The following DLGAP1 variants were observed in gnomAD, a reference collection of about 807,000 sequenced individuals.
DLGAP1 encodes the protein DLG associated protein 1.
Under a neutral mutation model 90.8 loss-of-function variants are expected in DLGAP1, and 11 were observed. The ratio of observed to expected loss-of-function variants is 0.12; its 90% CI spans 0.08 to 0.20. The LOEUF is 0.20. Ranked by LOEUF, DLGAP1 falls within the 10% of genes least tolerant of loss-of-function variation. DLGAP1 has a pLI of 1.00. For missense variants in DLGAP1, 1,050 were observed against 1,333.8 expected, an observed-to-expected ratio of 0.79 and a Z score of 3.31; for synonymous variants, 558 against 540.7, an observed-to-expected ratio of 1.03 and a Z score of -0.44.
intron 2 of DLGAP1, among the ~76,000 whole-genome samples, chr18:4,034,201 C>T (rs1568362524): frequency 6.6e-6 from 1 of 151,916 alleles, no homozygotes. Context: ...ACCACCACGC[C>T]TGGCTAATTT....
intron 5 of DLGAP1, among the ~76,000 whole-genome samples, chr18:3,777,899 T>C (rs9957481): frequency 0.17 from 25,755 of 151,998 alleles, 3,576 homozygotes; most frequent in African/African-American, 0.38. Context: ...CCTGGGTAGG[T>C]GGTCCTTTTC....
At chr18:3,997,799 TAAGTCAATATTA>T (rs1421782795) in intron 3 of DLGAP1, among the ~76,000 whole-genome samples, 3 of 152,146 alleles carry the variant, frequency 2.0e-5, no homozygotes, top group Non-Finnish European at 4.4e-5. Flanking sequence ...TTTTAAAATT[TAAGTCAATATTA>T]AAGTCAATAT....
intron 1 of DLGAP1, among the ~76,000 whole-genome samples, chr18:4,386,232 C>T (rs547154849): frequency 1.1e-4 from 17 of 152,048 alleles, no homozygotes; most frequent in Non-Finnish European, 1.9e-4. Flanking sequence ...GTCAGAATGC[C>T]GACCAGATCG....
At chr18:3,677,688 T>G (rs1305109788) in intron 7 of DLGAP1, among the ~76,000 whole-genome samples, 1 of 152,240 alleles carries the variant, frequency 6.6e-6, no homozygotes, top group African/African-American at 2.4e-5. Context: ...AAACGGAGTC[T>G]CACTCTGTCG....
intron 1 of DLGAP1, among the ~76,000 whole-genome samples, chr18:4,412,504 A>G (rs150317859): frequency 6.6e-6 from 1 of 152,354 alleles, no homozygotes; most frequent in Non-Finnish European, 1.5e-5. Context: ...AAGGGTGTTT[A>G]CACTGAAGGA....
intron 1 of DLGAP1, among the ~76,000 whole-genome samples, chr18:4,362,295 C>G (rs963286553): frequency 3.9e-5 from 6 of 152,224 alleles, no homozygotes; most frequent in African/African-American, 1.4e-4. Flanking sequence ...GTGTTCACAG[C>G]AGAATTATTC....
At chr18:4,239,376 T>C (rs576451421) in intron 1 of DLGAP1, among the ~76,000 whole-genome samples, 1 of 152,130 alleles carries the variant, frequency 6.6e-6, no homozygotes, top group East Asian at 1.9e-4. Flanking sequence ...ACAAAGGAAC[T>C]GAAGAAAGAA....
rs2147995427 is a variant in DLGAP1 at position 3,769,821 on chromosome 18, A to G, written c.1173-27309T>C. Reference sequence around the variant, plus strand: ...TATCCTCTTTGTGATATTGTTCTACAGTTTTTTGAAATGTTACCACGGTGG... The same window carrying G: ...TATCCTCTTTGTGATATTGTTCTACGGTTTTTTGAAATGTTACCACGGTGG... On this transcript the variant is annotated intron_variant, in intron 5 of 12. Transcript: ENST00000315677. Among the ~76,000 whole-genome samples, 2 of 151,004 alleles carry G rather than the reference A, an allele frequency of 1.3e-5. 1 individual carries two copies. The highest frequency in any genetic ancestry group is 6.8e-3 in the Middle Eastern group (2 of 292).
intron 1 of DLGAP1, among the ~76,000 whole-genome samples, chr18:4,309,050 A>C (rs1241132740): frequency 1.3e-5 from 2 of 152,228 alleles, no homozygotes; most frequent in Admixed American, 6.5e-5. Flanking sequence ...CGCCTATAGA[A>C]ATATTCCATA....
At chr18:4,077,673 A>G (rs1482204969) in intron 2 of DLGAP1, among the ~76,000 whole-genome samples, 3 of 152,246 alleles carry the variant, frequency 2.0e-5, no homozygotes, top group African/African-American at 7.2e-5. Flanking sequence ...TGTGGCCATC[A>G]CCAGATGCAG....
chr18:3,623,921 TG>T lies in DLGAP1; in HGVS notation c.1592-41674del, dbSNP rs1391200362. 3.9e-5 allele frequency among the ~76,000 whole-genome samples: 6 copies of T among 152,276 alleles called. No individual in the cohort carries two copies. In the East Asian group the frequency reaches 1.2e-3, roughly 29 times the overall value. On this transcript the variant is annotated intron_variant, in intron 7 of 12. Coordinates refer to ENST00000315677, the MANE Select transcript of DLGAP1 (RefSeq NM_004746.4). ...GCGGATGCCCGTTTCCCCTCCTGCC[TG>T]CATTCATCTGACCGGTTCAGTGGGA...
chr18:4,313,953 T>C lies in DLGAP1; in HGVS notation c.-267+141053A>G, dbSNP rs541296710. On this transcript the variant is annotated intron_variant, in intron 1 of 12. Coordinates refer to ENST00000315677, the MANE Select transcript of DLGAP1 (RefSeq NM_004746.4). Reference sequence around the variant, plus strand: ...TGTCTGCAGGTCATATGGAGAACTATCCTTCTTTGCCATGGGGACAAGGAT... The same window carrying C: ...TGTCTGCAGGTCATATGGAGAACTACCCTTCTTTGCCATGGGGACAAGGAT... 3.3e-5 allele frequency among the ~76,000 whole-genome samples: 5 copies of C among 152,288 alleles called. 1 individual carries two copies. The South Asian group carries it at 6.2e-4, about 19-fold the overall frequency.
At chr18:3,738,692 TA>T (rs2062764959) in intron 6 of DLGAP1, among the ~76,000 whole-genome samples, 1 of 150,726 alleles carries the variant, frequency 6.6e-6, no homozygotes, top group South Asian at 2.1e-4. Flanking sequence ...ACCTAGGCAA[TA>T]CCATTCAGGA....
Position 3,729,108 on chromosome 18 carries a change from A to G in DLGAP1, c.1591+27T>C. 1.3e-6 allele frequency: 2 copies of G among 1,582,066 alleles called. No individual in the cohort carries two copies. Among genetic ancestry groups the G allele is most frequent in the South Asian group, 1.1e-5 (1 of 88,116 alleles). ...TCGTGCCATAGCCAGCACAGGGGCC[A>G]GGCTGGCTGAGGGCCCGCGCACTCA... On this transcript the variant is annotated intron_variant, in intron 7 of 12. Transcript: ENST00000315677. The surrounding 1 kb of genome is among the most constrained non-coding windows in gnomAD (Gnocchi z 6.2).
At chr18:4,110,476 C>G (rs932175915) in intron 2 of DLGAP1, among the ~76,000 whole-genome samples, 17 of 152,100 alleles carry the variant, frequency 1.1e-4, no homozygotes, top group Middle Eastern at 3.2e-3. Context: ...TTAAGCTTAA[C>G]AAATCATAAT....
At chr18:3,872,670 G>A (rs1241277731) in intron 4 of DLGAP1, among the ~76,000 whole-genome samples, 1 of 152,132 alleles carries the variant, frequency 6.6e-6, no homozygotes, top group Non-Finnish European at 1.5e-5. Flanking sequence ...AGAGCAATGT[G>A]TTCTACCATT....
intron 1 of DLGAP1, among the ~76,000 whole-genome samples, chr18:4,241,344 G>C (rs937813459): frequency 1.3e-5 from 2 of 152,130 alleles, no homozygotes; most frequent in African/African-American, 4.8e-5. Context: ...AGGTGATGCT[G>C]ATGCTATTAT....
intron 3 of DLGAP1, among the ~76,000 whole-genome samples, chr18:3,961,702 C>T (rs1015013855): frequency 2.0e-5 from 3 of 152,198 alleles, no homozygotes; most frequent in Non-Finnish European, 4.4e-5. Context: ...TGGAGAACAG[C>T]TTTGCAGGCC....
At chr18:3,988,858 C>A (rs1317009462) in intron 3 of DLGAP1, among the ~76,000 whole-genome samples, 1 of 152,226 alleles carries the variant, frequency 6.6e-6, no homozygotes, top group African/African-American at 2.4e-5. Flanking sequence ...CAGTCCGCGG[C>A]TGTGGCGCTG....
Sources: gnomAD v4.1 joint callset for allele counts (sites outside exome capture counted in the v4.1 genomes callset) on GRCh38, gnomAD v4.1.1 for gene constraint, Gnocchi (gnomAD v3.1) non-coding constraint, MANE v1.5 for transcripts, NCBI Gene and HGNC (gene_info 2026-07-23, HGNC 2026-07-21) for gene names.